Variants in ADHFE1 observed in about 807,000 individuals in gnomAD.
ADHFE1 encodes the protein alcohol dehydrogenase iron containing 1.
Under a neutral mutation model 54.8 loss-of-function variants are expected in ADHFE1, and 37 were observed. The observed-to-expected ratio is 0.68, with a 90% CI of 0.52 to 0.89. The LOEUF (loss-of-function observed/expected upper bound fraction) is 0.89. Among genes scored for constraint, ADHFE1 ranks in the 40% least tolerant of loss-of-function variants. The pLI, the probability that ADHFE1 is intolerant of heterozygous loss-of-function variation, is 0.00. For synonymous variants in ADHFE1, 203 were observed against 229.3 expected, an observed-to-expected ratio of 0.89 and a Z score of 1.04; for missense variants, 601 against 591.2, an observed-to-expected ratio of 1.02 and a Z score of -0.17.
Position 66,448,919 on chromosome 8 carries a change from C to T in ADHFE1, c.683C>T (p.Thr228Ile). ...CTGGGACTGATTGATCCTCTGCACA[C>T]CCTCCACATGCCTGCCCGAGTGGTC... is the stretch of plus-strand genomic sequence containing the variant. Reference protein sequence around the residue: ...PTLGLIDPLHTLHMPARVVAN... With the variant: ...PTLGLIDPLHILHMPARVVAN... The change falls in exon 8 of 14, where the codon ACC (threonine) becomes ATC (isoleucine). Residue 228 changes from threonine (T) to isoleucine (I), a missense_variant. Transcript: ENST00000396623. The T allele has an allele frequency of 6.2e-7, 1 of 1,614,154 alleles. No homozygotes were observed. Among genetic ancestry groups the T allele is most frequent in the Non-Finnish European group, 8.5e-7 (1 of 1,180,040 alleles).
In ADHFE1 at chr8:66,439,036, A is replaced by G. The variant is rs1022935481; in HGVS notation, c.60-1126A>G. ...TCCAACCAAAGCCCACCGTGAAGGG[A>G]CAAGCCTGGCCTGGCCCGCGTCCTC... On this transcript the variant is annotated intron_variant, in intron 1 of 13. Coordinates refer to ENST00000396623, the MANE Select transcript of ADHFE1 (RefSeq NM_144650.3). This position sits in a 1 kb window ranked among gnomAD's most constrained non-coding sequence, Gnocchi z 4.4. Among the ~76,000 whole-genome samples the G allele has an allele frequency of 4.4e-4, 67 of 150,994 alleles. No homozygotes were observed. Among genetic ancestry groups the G allele is most frequent in the Middle Eastern group, 6.8e-3 (2 of 292 alleles).
chr8:66,455,127 C>G (rs1460770523), intron 10 of ADHFE1, among the ~76,000 whole-genome samples: 1 of 152,138 alleles, frequency 6.6e-6, no homozygotes, highest in Non-Finnish European at 1.5e-5. Context: ...CATAGGTTTT[C>G]CTTTCTCTTG....
Position 66,442,838 on chromosome 8 carries a change from C to CT in ADHFE1, c.141dup (p.Glu48Ter), listed in dbSNP as rs1805829592. The stretch of plus-strand genomic sequence containing the variant: ...CTTCTGGGAAAACAACAGATTATGC[C>CT]TTTGAGGTATATTCACTCAATCCAT... On this transcript the variant is annotated frameshift_variant, in exon 3 of 14. Coordinates refer to ENST00000396623, the MANE Select transcript of ADHFE1 (RefSeq NM_144650.3). LOFTEE classifies it high-confidence loss of function. 1 of 1,591,958 alleles carries CT rather than the reference C, an allele frequency of 6.3e-7. No homozygotes were observed. The highest frequency in any genetic ancestry group is 8.5e-7 in the Non-Finnish European group (1 of 1,173,798).
intron 1 of ADHFE1, among the ~76,000 whole-genome samples, chr8:66,435,137 A>G (rs571952516): frequency 1.3e-5 from 2 of 152,338 alleles, no homozygotes; most frequent in East Asian, 3.9e-4. Flanking sequence ...GTTGAAAGTT[A>G]TTACAGAGAA....
At chr8:66,441,879 G>A (rs543667410) in intron 2 of ADHFE1, among the ~76,000 whole-genome samples, 1 of 151,586 alleles carries the variant, frequency 6.6e-6, no homozygotes, top group South Asian at 2.1e-4. Flanking sequence ...GGCTGAGGCA[G>A]AAGAATCCCT....
chr8:66,445,190 T>C (rs893209428), intron 5 of ADHFE1, 28 bp from the exon 6 acceptor site: 1 of 1,567,906 alleles, frequency 6.4e-7, no homozygotes, highest in South Asian at 1.2e-5. Context: ...AAATATAACA[T>C]ACTGGTTTTT....
chr8:66,445,206 C>A lies in ADHFE1; in HGVS notation c.354-12C>A. ...AATATAACATACTGGTTTTTATTTT[C>A]TCTTCTCCAAGCTTCATGGAAGCTA... On this transcript the variant is annotated splice_polypyrimidine_tract_variant and intron_variant, in intron 5 of 13. Transcript: ENST00000396623. 1.3e-6 allele frequency: 2 copies of A among 1,580,080 alleles called. No homozygotes were observed. The highest frequency in any genetic ancestry group is 1.7e-6 in the Non-Finnish European group (2 of 1,167,322).
At chr8:66,459,525 G>A (rs1341613201) in intron 12 of ADHFE1, 1 of 149,698 alleles carries the variant, frequency 6.7e-6, no homozygotes, top group Non-Finnish European at 1.5e-5. Flanking sequence ...GCCTTCCAAA[G>A]TGCTGGGATT....
chr8:66,442,096 CA>C (rs1398693858), intron 2 of ADHFE1, among the ~76,000 whole-genome samples: 2 of 151,448 alleles, frequency 1.3e-5, no homozygotes, highest in African/African-American at 4.9e-5. Context: ...ACAATTCAAA[CA>C]AGTTATCACA....
Position 66,447,347 on chromosome 8 carries a change from A to G in ADHFE1, c.628+6A>G. On this transcript the variant is annotated splice_donor_region_variant and intron_variant, in intron 7 of 13. Coordinates refer to ENST00000396623, the MANE Select transcript of ADHFE1 (RefSeq NM_144650.3). ...ACACTTGAAAGTAAAAATTGGTAAGAACCATACTTTTGAATTATCTCCCTT... is the reference window on the plus strand; with the variant it reads ...ACACTTGAAAGTAAAAATTGGTAAGGACCATACTTTTGAATTATCTCCCTT... The G allele has an allele frequency of 1.2e-6, 2 of 1,606,802 alleles. No homozygotes were observed. Among genetic ancestry groups the G allele is most frequent in the Non-Finnish European group, 1.7e-6 (2 of 1,173,874 alleles).
chr8:66,465,110 T>G (rs1345654419), intron 13 of ADHFE1, among the ~76,000 whole-genome samples: 1 of 152,236 alleles, frequency 6.6e-6, no homozygotes, highest in Non-Finnish European at 1.5e-5. Context: ...TGGTTATGCA[T>G]TTACCTATTG....
At chr8:66,458,632 A>G (rs990110887) in intron 12 of ADHFE1, among the ~76,000 whole-genome samples, 4 of 152,180 alleles carry the variant, frequency 2.6e-5, no homozygotes, top group African/African-American at 9.7e-5. Context: ...CACTACTGAG[A>G]AGGGAGTTCC....
In ADHFE1 at chr8:66,444,683, C is replaced by T. The variant is rs755948620; in HGVS notation, c.288C>T (p.Ser96=). 3.1e-6 allele frequency: 5 copies of T among 1,614,056 alleles called. No individual in the cohort carries two copies. Among genetic ancestry groups the T allele is most frequent in the Non-Finnish European group, 4.2e-6 (5 of 1,180,030 alleles). Residue 96 remains serine, a synonymous_variant, in exon 5 of 14, where the codon TCC becomes TCT. Coordinates refer to ENST00000396623, the MANE Select transcript of ADHFE1 (RefSeq NM_144650.3). The stretch of plus-strand genomic sequence containing the variant: ...CTCCTGTGCAAGTAGCTATGGATTC[C>T]CTAGTGAAGAATGGCATCCCCTTTA... The part of the protein sequence containing the change: ...KLPPVQVAMD[S]LVKNGIPFTV...
At chr8:66,467,590 C>A (rs1254506057) in intron 13 of ADHFE1, among the ~76,000 whole-genome samples, 2 of 152,048 alleles carry the variant, frequency 1.3e-5, no homozygotes, top group African/African-American at 2.4e-5. Context: ...GAAAATGGAA[C>A]CTCAAAATGG....
At position 66,444,261 on chromosome 8, in the gene ADHFE1, G is replaced by A. The variant is rs561483024; in HGVS notation, c.145-106G>A. On this transcript the variant is annotated intron_variant, in intron 3 of 13. Coordinates refer to ENST00000396623, the MANE Select transcript of ADHFE1 (RefSeq NM_144650.3). ...ATGACCTGGAAGACCATGCTAAGGA[G>A]TGTATACTTTATGCTCTAGGCAACA... The A allele has an allele frequency of 4.0e-6, 4 of 1,004,834 alleles. No homozygotes were observed. The East Asian group carries it at 9.8e-5, about 25-fold the overall frequency. The allele number at this position is 1,004,834 out of a possible 1,614,324, so 62.2% of individuals were successfully genotyped here. A position where few individuals can be genotyped will look rare whatever the true frequency, so the allele number is the denominator to read the frequency against.
At chr8:66,449,076 C>G (rs1191148904) in intron 8 of ADHFE1, 106 bp downstream of exon 8, 1 of 990,884 alleles carries the variant, frequency 1.0e-6, no homozygotes, top group African/African-American at 1.6e-5. Context: ...CACCCCACAA[C>G]ATCCCTAGCT....
chr8:66,434,008 A>C (rs1262522031), intron 1 of ADHFE1, among the ~76,000 whole-genome samples: 1 of 152,246 alleles, frequency 6.6e-6, no homozygotes, highest in Non-Finnish European at 1.5e-5. Context: ...GAACTGTGTT[A>C]GCACATTCTG....
intron 9 of ADHFE1, among the ~76,000 whole-genome samples, chr8:66,452,516 C>T (rs987674464): frequency 5.9e-5 from 9 of 152,200 alleles, no homozygotes; most frequent in Non-Finnish European, 8.8e-5. Context: ...GGGCTGGGCA[C>T]AATGGCTCAC....
intron 13 of ADHFE1, among the ~76,000 whole-genome samples, chr8:66,463,534 A>C (rs1211538527): frequency 6.6e-6 from 1 of 152,222 alleles, no homozygotes; most frequent in East Asian, 1.9e-4. Context: ...GTATATTCAC[A>C]GATCGATAGG....
Sources: gnomAD v4.1 joint callset for allele counts (sites outside exome capture counted in the v4.1 genomes callset) on GRCh38, gnomAD v4.1.1 for gene constraint, Gnocchi (gnomAD v3.1) non-coding constraint, MANE v1.5 for transcripts, NCBI Gene and HGNC (gene_info 2026-07-23, HGNC 2026-07-21) for gene names.